The following PITPNM2 variants were observed in gnomAD, a reference collection of about 807,000 sequenced individuals.
PITPNM2 encodes the protein membrane-associated phosphatidylinositol transfer protein 2.
In PITPNM2, 35 loss-of-function variants were observed where a neutral mutation model predicts 132.2. The observed-to-expected ratio is 0.26, with a 90% CI of 0.20 to 0.35. PITPNM2 has a LOEUF of 0.35. Ranked by LOEUF, PITPNM2 falls within the 10% of genes least tolerant of loss-of-function variation. The pLI is 1.00. For missense variants in PITPNM2, 1,332 were observed against 1,912.0 expected (o/e 0.70, Z 5.66); for synonymous variants, 738 against 799.2 (o/e 0.92, Z 1.29).
chr12:122,986,972 G>T, intron 23 of PITPNM2, 143 bp from the exon 24 acceptor site: 1 of 1,175,386 alleles, frequency 8.5e-7, no homozygotes, highest in Non-Finnish European at 1.2e-6. Context: ...GGTTGACAAT[G>T]ACGTGCTGCA....
At position 122,992,243 on chromosome 12, in the gene PITPNM2, C is replaced by T. The variant is rs562624873; in HGVS notation, c.2404+256G>A. On this transcript the variant is annotated intron_variant, in intron 16 of 25. Coordinates refer to ENST00000320201, the MANE Select transcript of PITPNM2 (RefSeq NM_020845.3). The surrounding 1 kb of genome is among the most constrained non-coding windows in gnomAD (Gnocchi z 6.5). ...GTCTTGTTCTGCCCTTTCCCTGCTC[C>T]GGGGACCCTGGAACAAGGCCCTGAC... 8.5e-5 allele frequency among the ~76,000 whole-genome samples: 13 copies of T among 152,170 alleles called. No individual in the cohort carries two copies. The South Asian group carries it at 2.5e-3, about 29-fold the overall frequency.
At chr12:123,025,586 C>T (rs1321990978) in intron 3 of PITPNM2, among the ~76,000 whole-genome samples, 1 of 152,094 alleles carries the variant, frequency 6.6e-6, no homozygotes, top group Non-Finnish European at 1.5e-5. Flanking sequence ...GCATGAGCCA[C>T]CACACCTGGC....
intron 2 of PITPNM2, among the ~76,000 whole-genome samples, chr12:123,069,874 GCC>G (rs2041571513): frequency 1.3e-5 from 2 of 152,176 alleles, no homozygotes; most frequent in South Asian, 4.1e-4. Flanking sequence ...CAACTTCCAG[GCC>G]CCTTCCTGGA....
In PITPNM2 at chr12:123,009,739, A is replaced by G; in HGVS notation, c.643+111T>C. On this transcript the variant is annotated intron_variant, in intron 6 of 25. Transcript: ENST00000320201. This position sits in a 1 kb window ranked among gnomAD's most constrained non-coding sequence, Gnocchi z 4.8. ...GTGTCACCTTCCCAGAACAAAACAG[A>G]AACGCAGACTCCCAGGCAGACATGC... 1.9e-6 allele frequency: 2 copies of G among 1,063,598 alleles called. No individual in the cohort carries two copies. Among genetic ancestry groups the G allele is most frequent in the Non-Finnish European group, 2.8e-6 (2 of 708,104 alleles). The allele number at this position is 1,063,598 out of a possible 1,614,324, so 65.9% of individuals were successfully genotyped here. A position where few individuals can be genotyped will look rare whatever the true frequency, so the allele number is the denominator to read the frequency against.
chr12:123,076,368 T>C (rs1476688374), intron 2 of PITPNM2, among the ~76,000 whole-genome samples: 1 of 152,102 alleles, frequency 6.6e-6, no homozygotes, highest in Non-Finnish European at 1.5e-5. Flanking sequence ...TCTGGGGGGC[T>C]CAAAGGCAGT....
chr12:123,109,844 G>A (rs1446791551), intron 2 of PITPNM2, among the ~76,000 whole-genome samples: 2 of 152,232 alleles, frequency 1.3e-5, no homozygotes, highest in Non-Finnish European at 2.9e-5. Flanking sequence ...ATTTGGAATC[G>A]AAAGCTACCA....
chr12:123,088,852 G>A (rs1171266006), intron 2 of PITPNM2: 1 of 152,116 alleles, frequency 6.6e-6, no homozygotes. Flanking sequence ...AATCCCCCAG[G>A]GAACCTTGTG....
rs1191094777 is a variant in PITPNM2, at chr12:122,994,469, A to T, written c.2233+332T>A. On this transcript the variant is annotated intron_variant, in intron 15 of 25. Transcript: ENST00000320201. This position sits in a 1 kb window ranked among gnomAD's most constrained non-coding sequence, Gnocchi z 5.4. ...TGGCCTCTGCATCTCTCCCTATGGG[A>T]GGACCTTGGACCTGGGAGGCTGGGT... Among the ~76,000 whole-genome samples the T allele has an allele frequency of 6.6e-6, 1 of 151,958 alleles. No individual in the cohort carries two copies. The highest frequency in any genetic ancestry group is 2.4e-5 in the African/African-American group (1 of 41,346).
chr12:122,988,928 G>T, intron 18 of PITPNM2, 56 bp from the exon 19 acceptor site: 1 of 1,478,238 alleles, frequency 6.8e-7, no homozygotes, highest in South Asian at 1.3e-5. Context: ...CAGGGACCCC[G>T]AAGGGTCACC....
At chr12:123,010,916 G>T (rs1329801057) in intron 5 of PITPNM2, among the ~76,000 whole-genome samples, 1 of 152,230 alleles carries the variant, frequency 6.6e-6, no homozygotes, top group Non-Finnish European at 1.5e-5. Flanking sequence ...GAGAGCAGGG[G>T]CAGATGCCAC....
Position 123,138,278 on chromosome 12 carries a change from C to T in PITPNM2, c.-200+12475G>A, listed in dbSNP as rs143118831. ...CCTGGGCAACATGGCAAAACCCCAT[C>T]TCTGCAAAAAAATACAAAAATTATC... On this transcript the variant is annotated intron_variant, in intron 1 of 25. Coordinates refer to ENST00000320201, the MANE Select transcript of PITPNM2 (RefSeq NM_020845.3). 5.4e-3 allele frequency among the ~76,000 whole-genome samples: 816 copies of T among 151,964 alleles called. 7 individuals are homozygous for T. Among genetic ancestry groups the T allele is most frequent in the African/African-American group, 0.018 (761 of 41,418 alleles).
chr12:123,132,049 TC>T (rs766745524), intron 1 of PITPNM2, among the ~76,000 whole-genome samples: 30 of 152,110 alleles, frequency 2.0e-4, no homozygotes, highest in Non-Finnish European at 3.7e-4. Flanking sequence ...AGTGCCCGAT[TC>T]CCCCAGGACT....
In PITPNM2 at chr12:123,000,771, C is replaced by A; in HGVS notation, c.1224+7G>T. On this transcript the variant is annotated splice_region_variant and intron_variant, in intron 10 of 25. Transcript: ENST00000320201. The surrounding 1 kb of genome is among the most constrained non-coding windows in gnomAD (Gnocchi z 5.4). ...TGCCCCTGTCCCTCTGACACCCGGG[C>A]ACCCACCTCTATGATGTTCAGCTGC... The A allele has an allele frequency of 6.2e-7, 1 of 1,613,866 alleles. No homozygotes were observed. Among genetic ancestry groups the A allele is most frequent in the Non-Finnish European group, 8.5e-7 (1 of 1,179,976 alleles).
At chr12:123,028,863 A>G (rs2039965308) in intron 3 of PITPNM2, among the ~76,000 whole-genome samples, 1 of 152,176 alleles carries the variant, frequency 6.6e-6, no homozygotes, top group Admixed American at 6.5e-5. Flanking sequence ...GAAGAGGGGC[A>G]TTCACACCAG....
At chr12:123,104,905 T>C (rs978423657) in intron 2 of PITPNM2, among the ~76,000 whole-genome samples, 5 of 152,086 alleles carry the variant, frequency 3.3e-5, no homozygotes, top group Admixed American at 3.3e-4. Flanking sequence ...TAAAGCACAA[T>C]TCGGATCCTG....
At chr12:123,112,621 C>T (rs1394194712) in intron 1 of PITPNM2, among the ~76,000 whole-genome samples, 6 of 151,220 alleles carry the variant, frequency 4.0e-5, no homozygotes, top group African/African-American at 9.7e-5. Context: ...TCACTGCAAG[C>T]TCCGCCTCCC....
At chr12:123,018,987 T>C (rs2039562724) in intron 3 of PITPNM2, among the ~76,000 whole-genome samples, 1 of 151,634 alleles carries the variant, frequency 6.6e-6, no homozygotes, top group African/African-American at 2.4e-5. Context: ...TTTTGCCATG[T>C]TGGCCAGGCT....
In PITPNM2 at chr12:123,119,355, A is replaced by ACTTTT. The variant is rs762896348; in HGVS notation, c.-199-8868_-199-8867insAAAAG. 1.1e-4 allele frequency among the ~76,000 whole-genome samples: 14 copies of ACTTTT among 129,316 alleles called. 2 individuals carry two copies. Among genetic ancestry groups the ACTTTT allele is most frequent in the African/African-American group, 3.7e-4 (13 of 35,482 alleles). The allele number at this position is 129,316 out of a possible 152,430, so 84.8% of individuals were successfully genotyped here. ...CTATCTAGAAGCATAGAGGATGGTG[A>ACTTTT]TTTTTTTTTTTTTTTTTTTTGAGAC... On this transcript the variant is annotated intron_variant, in intron 1 of 25. Coordinates refer to ENST00000320201, the MANE Select transcript of PITPNM2 (RefSeq NM_020845.3).
In PITPNM2 at chr12:123,078,313, G is replaced by A. The variant is rs1472964424; in HGVS notation, c.-96+32072C>T. Among the ~76,000 whole-genome samples, 1 of 152,198 alleles carries A rather than the reference G, an allele frequency of 6.6e-6. No individual in the cohort carries two copies. Among genetic ancestry groups the A allele is most frequent in the African/African-American group, 2.4e-5 (1 of 41,448 alleles). On this transcript the variant is annotated intron_variant, in intron 2 of 25. Transcript: ENST00000320201. This position sits in a 1 kb window ranked among gnomAD's most constrained non-coding sequence, Gnocchi z 7.3. ...CCAGGCCTCAGGGTCCAGGTGGCCA[G>A]GCGGGGAGGGGTACCGGCCAGACCG...
Sources: allele counts gnomAD v4.1 joint callset (sites outside exome capture counted in the v4.1 genomes callset), GRCh38; gene constraint gnomAD v4.1.1; non-coding constraint Gnocchi (gnomAD v3.1); transcripts MANE v1.5; gene names NCBI Gene and HGNC (gene_info 2026-07-23, HGNC 2026-07-21).